Variants in ZNF536 observed in about 807,000 individuals in gnomAD.
ZNF536 encodes zinc finger protein 536.
A neutral mutation model predicts 84.5 loss-of-function variants in ZNF536; 13 were observed. The observed-to-expected ratio is 0.15, with a 90% CI of 0.10 to 0.24. The LOEUF (loss-of-function observed/expected upper bound fraction) is 0.24. ZNF536 is among the 10% of genes least tolerant of loss of function. The pLI, the probability that ZNF536 is intolerant of heterozygous loss-of-function variation, is 1.00. For synonymous variants in ZNF536, 811 were observed against 742.5 expected, an observed-to-expected ratio of 1.09 and a Z score of -1.50; for missense variants, 1,536 against 1,747.5, an observed-to-expected ratio of 0.88 and a Z score of 2.16.
At chr19:30,469,777 C>T (rs547117742) in intron 2 of ZNF536, among the ~76,000 whole-genome samples, 5 of 152,168 alleles carry the variant, frequency 3.3e-5, no homozygotes, top group Middle Eastern at 3.4e-3. Flanking sequence ...TAGGAGAGGG[C>T]ACCTCAGAGC....
chr19:30,698,405 G>A (rs1285496197), intron 1 of ZNF536, among the ~76,000 whole-genome samples: 2 of 152,048 alleles, frequency 1.3e-5, no homozygotes, highest in East Asian at 1.9e-4. Context: ...CACAATTCAC[G>A]AAGCAATATT....
intron 1 of ZNF536, among the ~76,000 whole-genome samples, chr19:30,595,730 T>A (rs1599923767): frequency 6.6e-6 from 1 of 152,350 alleles, no homozygotes; most frequent in East Asian, 1.9e-4. Context: ...AGGGGACCAT[T>A]GACTTGCATA....
At chr19:30,476,652 C>G (rs755300690) in intron 2 of ZNF536, among the ~76,000 whole-genome samples, 1 of 152,212 alleles carries the variant, frequency 6.6e-6, no homozygotes, top group Admixed American at 6.5e-5. Context: ...CTGTGGCTCA[C>G]GGCCGCTTAG....
At chr19:30,439,476 G>A (rs536669686) in intron 1 of ZNF536, among the ~76,000 whole-genome samples, 2 of 152,282 alleles carry the variant, frequency 1.3e-5, no homozygotes, top group African/African-American at 2.4e-5. Context: ...GTCCTGCCTC[G>A]GCTGTTTTGG....
intron 2 of ZNF536, among the ~76,000 whole-genome samples, chr19:30,515,869 A>G (rs1279115469): frequency 1.3e-5 from 2 of 151,752 alleles, no homozygotes; most frequent in African/African-American, 2.4e-5. Context: ...CTACTAAAAA[A>G]TGCAAAAATT....
chr19:30,699,968 CCTTTCTCTCTTCTTTCT>C (rs1488051837), intron 1 of ZNF536, among the ~76,000 whole-genome samples: 1 of 147,034 alleles, frequency 6.8e-6, no homozygotes, highest in Non-Finnish European at 1.5e-5. Flanking sequence ...TTCCTCCTTT[CCTTTCTCTCTTCTTTCT>C]CTTTCTCTCT....
chr19:30,701,348 C>G (rs12976148), intron 1 of ZNF536, among the ~76,000 whole-genome samples: 1 of 151,510 alleles, frequency 6.6e-6, no homozygotes, highest in Non-Finnish European at 1.5e-5. Context: ...AACACACACA[C>G]AGACACACAC....
At chr19:30,319,360 C>T (rs1405760396) in intron 2 of ZNF536, among the ~76,000 whole-genome samples, 2 of 151,974 alleles carry the variant, frequency 1.3e-5, no homozygotes, top group African/African-American at 4.8e-5. Context: ...AAGGCTCAGA[C>T]TGATGTTTTT....
intron 1 of ZNF536, among the ~76,000 whole-genome samples, chr19:30,589,961 T>C (rs1304506077): frequency 1.3e-5 from 2 of 152,162 alleles, no homozygotes; most frequent in African/African-American, 4.8e-5. Context: ...CTAGCATCTA[T>C]CCCCAGAGGA....
At chr19:30,267,981 A>G (rs933566979) in intron 1 of ZNF536, among the ~76,000 whole-genome samples, 3 of 151,700 alleles carry the variant, frequency 2.0e-5, no homozygotes, top group African/African-American at 7.3e-5. Flanking sequence ...AGGCACACCT[A>G]TATAATTTCT....
intron 1 of ZNF536, among the ~76,000 whole-genome samples, chr19:30,229,733 G>A (rs1328895140): frequency 1.3e-5 from 2 of 152,146 alleles, no homozygotes; most frequent in Non-Finnish European, 2.9e-5. Context: ...ACCATTAACC[G>A]CCTGGCTGAT....
chr19:30,527,215 C>G (rs1416139121), intron 2 of ZNF536, among the ~76,000 whole-genome samples: 1 of 140,482 alleles, frequency 7.1e-6, no homozygotes, highest in Admixed American at 7.1e-5. Flanking sequence ...CCACACCCAG[C>G]CTCCTTTTTT....
intron 1 of ZNF536, among the ~76,000 whole-genome samples, chr19:30,435,766 A>G (rs907018221): frequency 2.0e-5 from 3 of 152,136 alleles, no homozygotes; most frequent in African/African-American, 7.2e-5. Flanking sequence ...GATCCAGACC[A>G]GAAGTCTTCT....
chr19:30,353,187 G>T (rs2047986880), intron 3 of ZNF536, among the ~76,000 whole-genome samples: 1 of 152,148 alleles, frequency 6.6e-6, no homozygotes, highest in Admixed American at 6.5e-5. Context: ...ATTAGCAATT[G>T]CACAGGTGCC....
At chr19:30,360,169 C>T (rs540215222) in intron 3 of ZNF536, among the ~76,000 whole-genome samples, 70 of 152,328 alleles carry the variant, frequency 4.6e-4, no homozygotes, top group African/African-American at 1.7e-3. Context: ...GAAAGTACCA[C>T]GCAGCGAGCT....
intron 3 of ZNF536, among the ~76,000 whole-genome samples, chr19:30,544,601 G>A (rs779483956): frequency 4.6e-5 from 7 of 152,150 alleles, no homozygotes; most frequent in Non-Finnish European, 7.3e-5. Context: ...TCCTCCAAAA[G>A]CCATGAGAGC....
intron 1 of ZNF536, among the ~76,000 whole-genome samples, chr19:30,672,655 A>G (rs948494132): frequency 3.8e-4 from 58 of 152,322 alleles, no homozygotes; most frequent in Admixed American, 3.5e-3. Context: ...TTAAAAAACA[A>G]ACACATCAAA....
intron 2 of ZNF536, among the ~76,000 whole-genome samples, chr19:30,333,305 C>T (rs2047276515): frequency 6.6e-6 from 1 of 152,190 alleles, no homozygotes; most frequent in African/African-American, 2.4e-5. Flanking sequence ...GACTGTGGAT[C>T]CCAGACACAG....
intron 2 of ZNF536, among the ~76,000 whole-genome samples, chr19:30,490,496 A>G (rs2054465896): frequency 6.6e-6 from 1 of 152,224 alleles, no homozygotes; most frequent in South Asian, 2.1e-4. Context: ...CAGTGGATAC[A>G]GAATGTGAAC....
Sources: allele counts gnomAD v4.1 joint callset (sites outside exome capture counted in the v4.1 genomes callset), GRCh38; gene constraint gnomAD v4.1.1; transcripts MANE v1.5; gene names NCBI Gene and HGNC (gene_info 2026-07-23, HGNC 2026-07-21).